C9: variants seen among roughly 807,000 people sequenced by gnomAD.
C9 encodes the protein complement component C9.
A neutral mutation model predicts 65.4 loss-of-function variants in C9; 63 were observed. That is an observed-to-expected ratio of 0.96 (90% CI 0.79 to 1.19). The LOEUF (loss-of-function observed/expected upper bound fraction) is 1.19, where lower values mean the gene tolerates loss of function less well. Among genes scored for constraint, C9 ranks in the 50% most tolerant of loss-of-function variants. The pLI, the probability that C9 is intolerant of heterozygous loss-of-function variation, is 0.00. For synonymous variants in C9, 229 were observed against 227.9 expected (o/e 1.00, Z -0.04); for missense variants, 744 against 670.1 (o/e 1.11, Z -1.22).
intron 5 of C9, among the ~76,000 whole-genome samples, chr5:39,328,540 A>G (rs1753790074): frequency 2.0e-5 from 3 of 152,264 alleles, no homozygotes; most frequent in Admixed American, 2.0e-4. Context: ...ATGCCAAATC[A>G]GAGTTTTTCT....
intron 9 of C9, among the ~76,000 whole-genome samples, chr5:39,296,318 AC>A (rs1376397506): frequency 6.6e-6 from 1 of 151,642 alleles, no homozygotes; most frequent in Non-Finnish European, 1.5e-5. Context: ...CAAACAACTA[AC>A]AACAACAAAA....
At chr5:39,338,673 T>G (rs574066737) in intron 4 of C9, among the ~76,000 whole-genome samples, 2 of 152,328 alleles carry the variant, frequency 1.3e-5, no homozygotes, top group South Asian at 2.1e-4. Context: ...ACCTACTTCA[T>G]TTTCCATTTC....
intron 5 of C9, among the ~76,000 whole-genome samples, chr5:39,326,106 A>G (rs1425536433): frequency 1.3e-5 from 2 of 152,072 alleles, no homozygotes. Context: ...TGTGATAGGC[A>G]CTATTCTAAT....
intron 6 of C9, among the ~76,000 whole-genome samples, chr5:39,315,098 A>G (rs964216878): frequency 6.6e-6 from 1 of 152,198 alleles, no homozygotes; most frequent in Non-Finnish European, 1.5e-5. Flanking sequence ...CAAAACAATT[A>G]CATAGTTAGG....
At chr5:39,303,622 G>A (rs898870264) in intron 9 of C9, among the ~76,000 whole-genome samples, 1 of 151,382 alleles carries the variant, frequency 6.6e-6, no homozygotes, top group African/African-American at 2.4e-5. Context: ...TATTCATACA[G>A]CATTCCACTT....
intron 7 of C9, among the ~76,000 whole-genome samples, chr5:39,309,512 G>A (rs1379570546): frequency 1.3e-5 from 2 of 152,058 alleles, no homozygotes; most frequent in African/African-American, 4.8e-5. Flanking sequence ...GGAAGAGAGA[G>A]GATAAAAATC....
Position 39,285,042 on chromosome 5 carries a change from A to C in C9, c.*157T>G, listed in dbSNP as rs903092983. 7.8e-6 allele frequency: 5 copies of C among 641,930 alleles called. No homozygotes were observed. Among genetic ancestry groups the C allele is most frequent in the African/African-American group, 1.8e-5 (1 of 54,056 alleles). 39.8% of individuals were successfully genotyped at this position (641,930 alleles called of 1,614,324 possible). ...GAGTTTAAGGAAGAAAAATTTAAAA[A>C]AAAATTATAGACCTAAGAGAGAAGA... On this transcript the variant is annotated 3_prime_UTR_variant, in exon 11 of 11. Coordinates refer to ENST00000263408, the MANE Select transcript of C9 (RefSeq NM_001737.5).
intron 5 of C9, among the ~76,000 whole-genome samples, chr5:39,319,376 T>G (rs1481186328): frequency 6.6e-6 from 1 of 152,190 alleles, no homozygotes. Flanking sequence ...CTCCATGGCC[T>G]CAGGCCCGAG....
intron 1 of C9, among the ~76,000 whole-genome samples, chr5:39,346,799 A>C (rs1754206554): frequency 6.6e-6 from 1 of 152,240 alleles, no homozygotes; most frequent in Non-Finnish European, 1.5e-5. Flanking sequence ...CGAATCCAGC[A>C]ACACATCAAA....
At chr5:39,307,837 G>T (rs1037079536) in intron 8 of C9, among the ~76,000 whole-genome samples, 1 of 152,162 alleles carries the variant, frequency 6.6e-6, no homozygotes, top group South Asian at 2.1e-4. Flanking sequence ...GGTGGAGTTG[G>T]GGAAATGGTT....
At chr5:39,354,589 A>T (rs1219183281) in intron 1 of C9, among the ~76,000 whole-genome samples, 3 of 152,082 alleles carry the variant, frequency 2.0e-5, no homozygotes, top group African/African-American at 7.2e-5. Flanking sequence ...TAGACCTAAA[A>T]TTGTCACTGA....
At chr5:39,344,366 G>T (rs949493865) in intron 1 of C9, among the ~76,000 whole-genome samples, 1 of 152,186 alleles carries the variant, frequency 6.6e-6, no homozygotes, top group Non-Finnish European at 1.5e-5. Flanking sequence ...CGAGAACTAC[G>T]TGATGAATGC....
At position 39,340,953 on chromosome 5, in the gene C9, A is replaced by G. The variant is rs1447646132; in HGVS notation, c.476+193T>C. On this transcript the variant is annotated intron_variant, in intron 4 of 10. Coordinates refer to ENST00000263408, the MANE Select transcript of C9 (RefSeq NM_001737.5). Reference sequence around the variant, plus strand: ...TACAGACCCCTACTGAGGGCAGGCAATTTGTCCAAATTATCCTGAGATGCT... The same window carrying G: ...TACAGACCCCTACTGAGGGCAGGCAGTTTGTCCAAATTATCCTGAGATGCT... The G allele has an allele frequency of 2.0e-5, 13 of 657,702 alleles. No individual in the cohort carries two copies. The Admixed American group carries it at 2.9e-4, about 15-fold the overall frequency. 40.7% of individuals were successfully genotyped at this position (657,702 alleles called of 1,614,324 possible).
chr5:39,327,863 A>C (rs1753777704), intron 5 of C9, among the ~76,000 whole-genome samples: 1 of 152,230 alleles, frequency 6.6e-6, no homozygotes, highest in South Asian at 2.1e-4. Context: ...AGGGAGCTCA[A>C]AATAAGCTTG....
intron 5 of C9, among the ~76,000 whole-genome samples, chr5:39,323,658 G>A (rs2111912972): frequency 6.6e-6 from 1 of 151,710 alleles, no homozygotes; most frequent in South Asian, 2.1e-4. Context: ...ATTAGGTATA[G>A]AAGGAATGTA....
intron 1 of C9, among the ~76,000 whole-genome samples, chr5:39,346,857 C>A (rs1044315627): frequency 1.4e-4 from 22 of 152,146 alleles, no homozygotes; most frequent in Middle Eastern, 3.2e-3. Flanking sequence ...GGATGCAAGG[C>A]TGGTTCAACA....
intron 4 of C9, among the ~76,000 whole-genome samples, chr5:39,333,736 C>T (rs1000178721): frequency 4.6e-5 from 7 of 151,976 alleles, no homozygotes; most frequent in Non-Finnish European, 7.4e-5. Context: ...CTCAGCCTGC[C>T]GAGTGCCTGC....
In C9 at chr5:39,354,724, A is replaced by G. The variant is rs169089; in HGVS notation, c.77+9664T>C. Among the ~76,000 whole-genome samples, 363 of 152,314 alleles carry G rather than the reference A, an allele frequency of 2.4e-3. 3 individuals carry two copies. Among genetic ancestry groups the G allele is most frequent in the African/African-American group, 8.6e-3 (356 of 41,572 alleles). ...ATGTAAACTCTAGCTAGTTAGTTTG[A>G]GGATCATGGTTTTTGTTTTGTTTTG... On this transcript the variant is annotated intron_variant, in intron 1 of 10. Coordinates refer to ENST00000263408, the MANE Select transcript of C9 (RefSeq NM_001737.5).
intron 7 of C9, among the ~76,000 whole-genome samples, chr5:39,308,813 C>A (rs2111881440): frequency 6.6e-6 from 1 of 152,222 alleles, no homozygotes; most frequent in East Asian, 1.9e-4. Context: ...AATTGCAGAG[C>A]AGTTGAATAA....
Sources: gnomAD v4.1 joint callset for allele counts (sites outside exome capture counted in the v4.1 genomes callset) on GRCh38, gnomAD v4.1.1 for gene constraint, MANE v1.5 for transcripts, NCBI Gene and HGNC (gene_info 2026-07-23, HGNC 2026-07-21) for gene names.